The following NME7 variants were observed in gnomAD, a reference collection of about 807,000 sequenced individuals.
NME7 encodes the protein NME/NM23 family member 7.
NME7 carries 41 observed loss-of-function variants against 49.1 expected under a neutral mutation model. The observed-to-expected ratio is 0.83, with a 90% CI of 0.65 to 1.08. NME7 has a LOEUF of 1.08. Among genes scored for constraint, NME7 ranks in the 50% least tolerant of loss-of-function variants. The probability of loss-of-function intolerance (pLI) is 0.00; values close to 1 mark genes in which losing one functional copy is unlikely to be tolerated. For missense variants in NME7, 423 were observed against 463.4 expected (o/e 0.91, Z 0.80); for synonymous variants, 139 against 150.6 (o/e 0.92, Z 0.56).
intron 10 of NME7, among the ~76,000 whole-genome samples, chr1:169,200,788 T>A (rs1320822600): frequency 2.0e-5 from 3 of 152,192 alleles, no homozygotes; most frequent in Non-Finnish European, 4.4e-5. Flanking sequence ...CCTATTCTTC[T>A]GTTTCCTGAC....
chr1:169,136,083 G>A (rs1029842479), intron 11 of NME7, among the ~76,000 whole-genome samples: 5 of 152,192 alleles, frequency 3.3e-5, no homozygotes, highest in African/African-American at 4.8e-5. Context: ...GGTGACACGG[G>A]TTAATTTAAA....
intron 10 of NME7, among the ~76,000 whole-genome samples, chr1:169,217,840 C>T (rs1049691754): frequency 6.6e-6 from 1 of 152,062 alleles, no homozygotes; most frequent in African/African-American, 2.4e-5. Flanking sequence ...CCTCACCTGC[C>T]ACAGCTTAAA....
intron 8 of NME7, among the ~76,000 whole-genome samples, chr1:169,237,118 C>A (rs186411246): frequency 6.6e-6 from 1 of 151,944 alleles, no homozygotes; most frequent in Non-Finnish European, 1.5e-5. Flanking sequence ...GAAGGTGCAG[C>A]GGTACAAGTG....
At chr1:169,327,525 A>G (rs1460804314) in intron 1 of NME7, among the ~76,000 whole-genome samples, 2 of 152,320 alleles carry the variant, frequency 1.3e-5, no homozygotes, top group African/African-American at 4.8e-5. Context: ...TATACCCAGA[A>G]GCCTTAGTAT....
chr1:169,317,688 A>C (rs1651700048), intron 3 of NME7, among the ~76,000 whole-genome samples: 1 of 152,156 alleles, frequency 6.6e-6, no homozygotes, highest in Non-Finnish European at 1.5e-5. Flanking sequence ...GCAAGACTAA[A>C]CTAATATTCA....
intron 10 of NME7, among the ~76,000 whole-genome samples, chr1:169,179,604 A>G (rs1260811145): frequency 6.6e-6 from 1 of 152,256 alleles, no homozygotes. Flanking sequence ...GTACATATAC[A>G]CCATGGAATA....
At chr1:169,206,949 C>T (rs1177034403) in intron 10 of NME7, among the ~76,000 whole-genome samples, 4 of 152,042 alleles carry the variant, frequency 2.6e-5, no homozygotes, top group South Asian at 4.1e-4. Flanking sequence ...AAAATAAACA[C>T]GATTCTTTTT....
At chr1:169,270,030 T>C (rs1649441885) in intron 7 of NME7, among the ~76,000 whole-genome samples, 1 of 133,394 alleles carries the variant, frequency 7.5e-6, no homozygotes, top group Non-Finnish European at 1.8e-5. Flanking sequence ...CTCGGCCTCC[T>C]AGAGTACTGG....
chr1:169,311,184 C>A (rs936866921), intron 3 of NME7, among the ~76,000 whole-genome samples: 1 of 151,794 alleles, frequency 6.6e-6, no homozygotes, highest in Non-Finnish European at 1.5e-5. Context: ...TTTGGGAGGC[C>A]GAGGCAGGCG....
chr1:169,147,993 C>A (rs950895944), intron 11 of NME7, among the ~76,000 whole-genome samples: 1 of 132,928 alleles, frequency 7.5e-6, no homozygotes. Flanking sequence ...AAATTTCTTT[C>A]AAGTTTCTTT....
At chr1:169,266,906 A>G (rs1649334766) in intron 7 of NME7, among the ~76,000 whole-genome samples, 1 of 132,118 alleles carries the variant, frequency 7.6e-6, no homozygotes, top group African/African-American at 2.6e-5. Context: ...TGTCTCTATT[A>G]ATAATATAAA....
At chr1:169,276,122 C>T (rs1227154295) in intron 7 of NME7, among the ~76,000 whole-genome samples, 1 of 134,116 alleles carries the variant, frequency 7.5e-6, no homozygotes, top group African/African-American at 2.5e-5. Context: ...CATCAATGTT[C>T]ATCAAGGATA....
intron 1 of NME7, among the ~76,000 whole-genome samples, chr1:169,365,498 A>G (rs966657253): frequency 6.6e-6 from 1 of 152,262 alleles, no homozygotes; most frequent in Non-Finnish European, 1.5e-5. Context: ...GAGGAGGCAT[A>G]CTACCAGTTT....
At chr1:169,192,017 T>C (rs1169977742) in intron 10 of NME7, among the ~76,000 whole-genome samples, 1 of 152,180 alleles carries the variant, frequency 6.6e-6, no homozygotes, top group Non-Finnish European at 1.5e-5. Flanking sequence ...GTGTTTTCTA[T>C]GCACAGTACA....
At chr1:169,298,468 TA>T in intron 6 of NME7, 87 bp downstream of exon 6, 1 of 1,345,922 alleles carries the variant, frequency 7.4e-7, no homozygotes, top group Non-Finnish European at 1.0e-6. Flanking sequence ...AAATCCACCC[TA>T]AGTCACCAGT....
chr1:169,355,204 AAT>A lies in NME7; in HGVS notation c.3+12502_3+12503del, dbSNP rs1491349352. Among the ~76,000 whole-genome samples the A allele has an allele frequency of 3.9e-3, 154 of 39,192 alleles. 16 individuals carry two copies. The highest frequency in any genetic ancestry group is 0.015 in the African/African-American group (123 of 8,264). 25.7% of individuals were successfully genotyped at this position (39,192 alleles called of 152,430 possible). The stretch of plus-strand genomic sequence containing the variant: ...ACTATATATTATAGATATAATATAT[AAT>A]ATATATTATATATTATAGATATAAT... On this transcript the variant is annotated intron_variant, in intron 1 of 11. Transcript: ENST00000367811.
rs1438113222 is a variant in NME7 at position 169,231,467 on chromosome 1, G to A, written c.889-648C>T. Among the ~76,000 whole-genome samples the A allele has an allele frequency of 3.3e-5, 5 of 152,148 alleles. No homozygotes were observed. In the East Asian group the frequency reaches 7.7e-4, roughly 23 times the overall value. On this transcript the variant is annotated intron_variant, in intron 9 of 11. Transcript: ENST00000367811. ...GTTGAAAAGACAAAGATTGCACTTC[G>A]GGGAGGCCAATGTAGCCTTATTTTC... is the stretch of plus-strand genomic sequence containing the variant.
chr1:169,367,631 G>A, intron 1 of NME7, 77 bp downstream of exon 1: 1 of 1,554,828 alleles, frequency 6.4e-7, no homozygotes, highest in Non-Finnish European at 8.9e-7. Flanking sequence ...AACTTTAAGT[G>A]CCCATCCGCC....
chr1:169,164,034 C>T (rs780202561), intron 11 of NME7, among the ~76,000 whole-genome samples: 13 of 151,198 alleles, frequency 8.6e-5, no homozygotes, highest in Admixed American at 2.6e-4. Context: ...AGCTTGAACC[C>T]GGGAAGCAGA....
Sources: gnomAD v4.1 joint callset for allele counts (sites outside exome capture counted in the v4.1 genomes callset) on GRCh38, gnomAD v4.1.1 for gene constraint, MANE v1.5 for transcripts, NCBI Gene and HGNC (gene_info 2026-07-23, HGNC 2026-07-21) for gene names.